SELENOO: variants seen among roughly 807,000 people sequenced by gnomAD.
SELENOO encodes selenoprotein O.
In SELENOO, 74 loss-of-function variants were observed where a neutral mutation model predicts 58.7. The observed-to-expected ratio is 1.26, with a 90% CI of 1.04 to 1.53. The LOEUF (loss-of-function observed/expected upper bound fraction) is 1.53, where lower values mean the gene tolerates loss of function less well. Ranked by LOEUF, SELENOO falls within the 40% of genes most tolerant of loss-of-function variation. The pLI is 0.00. For synonymous variants in SELENOO, 543 were observed against 453.2 expected (o/e 1.20, Z -2.52); for missense variants, 1,149 against 970.0 (o/e 1.18, Z -2.45).
intron 1 of SELENOO, among the ~76,000 whole-genome samples, chr22:50,202,178 C>T (rs1184404382): frequency 2.0e-5 from 3 of 152,230 alleles, no homozygotes; most frequent in African/African-American, 7.2e-5. Context: ...AAACAATGTA[C>T]TTACTCCATA....
At chr22:50,210,457 A>T in intron 4 of SELENOO, 146 bp downstream of exon 4, 1 of 1,358,908 alleles carries the variant, frequency 7.4e-7, no homozygotes, top group Non-Finnish European at 1.0e-6. Flanking sequence ...TAGAGAGTCC[A>T]GGGCAATCCC....
At chr22:50,201,620 G>T in intron 1 of SELENOO, 30 bp downstream of exon 1, 1 of 1,242,798 alleles carries the variant, frequency 8.0e-7, no homozygotes, top group Non-Finnish European at 1.0e-6. Context: ...GGGCGCGGGT[G>T]GGTCCTCCCC....
At chr22:50,210,465 C>T (rs927031250) in intron 4 of SELENOO, among the ~76,000 whole-genome samples, 154 bp downstream of exon 4, 2 of 152,122 alleles carry the variant, frequency 1.3e-5, no homozygotes, top group African/African-American at 4.8e-5. Flanking sequence ...CCAGGGCAAT[C>T]CCGGAGGCCT....
intron 1 of SELENOO, among the ~76,000 whole-genome samples, chr22:50,204,727 CAG>C (rs1350894401): frequency 1.3e-5 from 2 of 152,102 alleles, no homozygotes; most frequent in South Asian, 2.1e-4. Context: ...CTGTGGAAAA[CAG>C]TGTGGAAGTT....
chr22:50,215,957 GC>G (rs1277196632), intron 6 of SELENOO, 90 bp downstream of exon 6: 10 of 1,216,388 alleles, frequency 8.2e-6, no homozygotes, highest in Non-Finnish European at 1.1e-5. Flanking sequence ...TAGAGACAGA[GC>G]TGGCTGGGGC....
chr22:50,205,277 C>G (rs966661272), intron 1 of SELENOO, among the ~76,000 whole-genome samples: 4 of 152,180 alleles, frequency 2.6e-5, no homozygotes, highest in Admixed American at 2.6e-4. Flanking sequence ...TAGCACTGAT[C>G]TGTACACTTA....
chr22:50,203,291 C>G (rs2064314133), intron 1 of SELENOO, among the ~76,000 whole-genome samples: 2 of 152,188 alleles, frequency 1.3e-5, no homozygotes, highest in South Asian at 4.1e-4. Context: ...GTGGAAGAAT[C>G]ACTTGAGCCC....
intron 1 of SELENOO, among the ~76,000 whole-genome samples, chr22:50,202,314 C>T (rs2064308012): frequency 6.6e-6 from 1 of 152,162 alleles, no homozygotes; most frequent in Admixed American, 6.6e-5. Context: ...CTGAAATGCC[C>T]CTCGGTCCCT....
In SELENOO at chr22:50,210,651, G is replaced by C. The variant is rs1240424620; in HGVS notation, c.1091G>C (p.Cys364Ser). 1.2e-6 allele frequency: 2 copies of C among 1,612,816 alleles called. No homozygotes were observed. Among genetic ancestry groups the C allele is most frequent in the Admixed American group, 1.7e-5 (1 of 60,002 alleles). The change falls in exon 5 of 9, where the codon TGC (cysteine) becomes TCC (serine). Residue 364 changes from cysteine (C) to serine (S), a missense_variant. Coordinates refer to ENST00000380903, the MANE Select transcript of SELENOO (RefSeq NM_031454.2). The stretch of plus-strand genomic sequence containing the variant: ...GGCAGGTACGACCCCGACCACGTGT[G>C]CAATGCCTCCGACAACACCGGCCGC... Reference protein sequence around the residue: ...FLDRYDPDHVCNASDNTGRYA... With the variant: ...FLDRYDPDHVSNASDNTGRYA...
In SELENOO at chr22:50,217,366, G is replaced by A. The variant is rs373062168; in HGVS notation, c.2007G>A (p.Ser669=). 2.1e-5 allele frequency: 34 copies of A among 1,612,532 alleles called. No individual in the cohort carries two copies. Among genetic ancestry groups the A allele is most frequent in the Admixed American group, 5.0e-5 (3 of 59,896 alleles). Residue 669 remains serine (S), a synonymous_variant, in exon 9 of 9, where the codon TCG becomes TCA. Transcript: ENST00000380903. ...WAAELCVTUS[S] ...CAGAACTGTGCGTGACATGATCTTC[G>A]TAACGGCCTCGGCACGCTCCACACC...
chr22:50,215,745 G>C lies in SELENOO; in HGVS notation c.1380G>C (p.Leu460Phe). The change falls in exon 6 of 9, where the codon TTG becomes TTC. Residue 460 changes from leucine to phenylalanine, a missense_variant. Transcript: ENST00000380903. ...CCGACTTCACAAACACCTTCTACTT[G>C]CTGAGCTCCTTCCCAGTGGAGCTAG... ...TGADFTNTFYLLSSFPVELES... is the reference protein window; with the variant it reads ...TGADFTNTFYFLSSFPVELES... 1 of 1,607,734 alleles carries C rather than the reference G, an allele frequency of 6.2e-7. No individual in the cohort carries two copies. The highest frequency in any genetic ancestry group is 8.5e-7 in the Non-Finnish European group (1 of 1,175,902).
At chr22:50,207,483 A>G (rs2064340291) in intron 2 of SELENOO, among the ~76,000 whole-genome samples, 1 of 151,544 alleles carries the variant, frequency 6.6e-6, no homozygotes, top group Non-Finnish European at 1.5e-5. Flanking sequence ...CCTCCTGAAC[A>G]CCTGAATGTA....
At chr22:50,203,761 G>A (rs1320102633) in intron 1 of SELENOO, among the ~76,000 whole-genome samples, 1 of 152,154 alleles carries the variant, frequency 6.6e-6, no homozygotes, top group Non-Finnish European at 1.5e-5. Flanking sequence ...GAGAAAATAG[G>A]GAAAATGCCT....
intron 1 of SELENOO, among the ~76,000 whole-genome samples, chr22:50,203,741 A>G (rs553409837): frequency 2.9e-4 from 44 of 152,244 alleles, no homozygotes; most frequent in Non-Finnish European, 4.9e-4. Flanking sequence ...CATAAGAGCT[A>G]AAACTCCTAG....
At position 50,217,405 on chromosome 22, in the gene SELENOO, G is replaced by A. The variant is rs766975507; in HGVS notation, c.*36G>A. 10 of 1,604,990 alleles carry A rather than the reference G, an allele frequency of 6.2e-6. No individual in the cohort carries two copies. Among genetic ancestry groups the A allele is most frequent in the East Asian group, 2.2e-5 (1 of 44,748 alleles). On this transcript the variant is annotated 3_prime_UTR_variant, in exon 9 of 9. Transcript: ENST00000380903. ...ACGCTCCACACCCCTGGAGTCTCCC[G>A]AGGCCCCCATGTGCTGCTGAGTGGC... is the stretch of plus-strand genomic sequence containing the variant.
intron 5 of SELENOO, 29 bp downstream of exon 5, chr22:50,210,940 G>C: frequency 1.9e-6 from 3 of 1,613,124 alleles, no homozygotes; most frequent in Non-Finnish European, 2.5e-6. Flanking sequence ...CCCACAGCAA[G>C]GCGCCTCCCG....
Position 50,201,392 on chromosome 22 carries a change from A to C in SELENOO, c.356A>C (p.Glu119Ala). 1 of 1,293,890 alleles carries C rather than the reference A, an allele frequency of 7.7e-7. No individual in the cohort carries two copies. Among genetic ancestry groups the C allele is most frequent in the Middle Eastern group, 3.0e-4 (1 of 3,380 alleles). 80.2% of individuals were successfully genotyped at this position (1,293,890 alleles called of 1,614,324 possible). ...GAPPAREAEA[E>A]AALFFSGNAL... Reference sequence around the variant, plus strand: ...CCGCCCGCGCGCGAGGCCGAGGCCGAGGCCGCGCTGTTCTTCAGCGGCAAC... The same window carrying C: ...CCGCCCGCGCGCGAGGCCGAGGCCGCGGCCGCGCTGTTCTTCAGCGGCAAC... Residue 119 changes from glutamate (E) to alanine (A), a missense_variant, in exon 1 of 9, where the codon GAG becomes GCG. Physicochemically the swap from Glu to Ala is moderately radical, Grantham distance 107 (BLOSUM62 -1). Coordinates refer to ENST00000380903, the MANE Select transcript of SELENOO (RefSeq NM_031454.2).
At chr22:50,202,472 G>T (rs534520453) in intron 1 of SELENOO, among the ~76,000 whole-genome samples, 12 of 152,218 alleles carry the variant, frequency 7.9e-5, no homozygotes, top group Non-Finnish European at 1.3e-4. Context: ...GACCTGCTTA[G>T]AGTTGACAGC....
At chr22:50,216,061 G>C (rs1397559760) in intron 6 of SELENOO, among the ~76,000 whole-genome samples, 194 bp downstream of exon 6, 2 of 152,170 alleles carry the variant, frequency 1.3e-5, no homozygotes, top group Admixed American at 1.3e-4. Flanking sequence ...AGTAGAGAGT[G>C]GCGAGGCTGA....
Sources: allele counts gnomAD v4.1 joint callset (sites outside exome capture counted in the v4.1 genomes callset), GRCh38; gene constraint gnomAD v4.1.1; transcripts MANE v1.5; gene names NCBI Gene and HGNC (gene_info 2026-07-23, HGNC 2026-07-21).